The following RETREG1 variants were observed in gnomAD, a reference collection of about 807,000 sequenced individuals.
RETREG1 encodes the protein family with sequence similarity 134 member B.
In RETREG1, 44 loss-of-function variants were observed where a neutral mutation model predicts 54.8. The ratio of observed to expected loss-of-function variants is 0.80; its 90% confidence interval spans 0.63 to 1.03. RETREG1 has a LOEUF of 1.03. Ranked by LOEUF, RETREG1 falls within the 50% of genes least tolerant of loss-of-function variation. RETREG1 has a pLI of 0.00. For missense variants in RETREG1, 554 were observed against 605.1 expected (o/e 0.92, Z 0.89); for synonymous variants, 217 against 238.5 (o/e 0.91, Z 0.83).
At chr5:16,588,480 G>A (rs2451853) in intron 1 of RETREG1, among the ~76,000 whole-genome samples, 20,527 of 152,158 alleles carry the variant, frequency 0.13, 1,409 homozygotes, top group Non-Finnish European at 0.16. Context: ...GGGGCAGCAC[G>A]ATTCAGCCCA....
In RETREG1 at chr5:16,533,808, C is replaced by T. The variant is rs75887546; in HGVS notation, c.458+31955G>A. The stretch of plus-strand genomic sequence containing the variant: ...TCTACCAGAAAGACCAGTAGAAGTA[C>T]CTGGTGCAGCCCCAGATGGCTGGGC... On this transcript the variant is annotated intron_variant, in intron 3 of 8. Coordinates refer to ENST00000306320, the MANE Select transcript of RETREG1 (RefSeq NM_001034850.3). Among the ~76,000 whole-genome samples, 863 of 152,304 alleles carry T rather than the reference C, an allele frequency of 5.7e-3. 10 individuals are homozygous for T. The highest frequency in any genetic ancestry group is 0.019 in the African/African-American group (810 of 41,550).
intron 2 of RETREG1, among the ~76,000 whole-genome samples, chr5:16,570,548 CA>C (rs1291388253): frequency 6.6e-6 from 1 of 151,952 alleles, no homozygotes; most frequent in Non-Finnish European, 1.5e-5. Context: ...AAAATGGTTG[CA>C]GATAAAATGT....
In RETREG1 at chr5:16,592,006, T is replaced by C. The variant is rs1048258276; in HGVS notation, c.321-19904A>G. Among the ~76,000 whole-genome samples the C allele has an allele frequency of 3.3e-5, 5 of 152,322 alleles. No homozygotes were observed. The East Asian group carries it at 5.8e-4, about 18-fold the overall frequency. ...TGACACCAGTTCATAATCAGCACTG[T>C]GAATCTGGACTAGAATAGAGTCTAC... On this transcript the variant is annotated intron_variant, in intron 1 of 8. Transcript: ENST00000306320.
chr5:16,514,994 C>G (rs1367935559), intron 3 of RETREG1, among the ~76,000 whole-genome samples: 1 of 147,646 alleles, frequency 6.8e-6, no homozygotes, highest in African/African-American at 2.5e-5. Context: ...TTTCTTTATC[C>G]ACTCATTGAT....
intron 2 of RETREG1, among the ~76,000 whole-genome samples, chr5:16,569,033 G>A (rs942158014): frequency 2.6e-5 from 4 of 152,222 alleles, no homozygotes; most frequent in South Asian, 2.1e-4. Flanking sequence ...TCTGATTGAC[G>A]CCATGGAGTT....
At chr5:16,573,731 G>GTTTTTTTTT (rs1454072189) in intron 1 of RETREG1, among the ~76,000 whole-genome samples, 4 of 109,820 alleles carry the variant, frequency 3.6e-5, no homozygotes, top group Non-Finnish European at 8.5e-5. Context: ...TTTTGGGTTT[G>GTTTTTTTTT]TTTGTTTTTT....
intron 1 of RETREG1, among the ~76,000 whole-genome samples, chr5:16,579,666 GTTTT>G (rs1162340835): frequency 3.3e-5 from 5 of 152,152 alleles, no homozygotes; most frequent in African/African-American, 1.2e-4. Flanking sequence ...TGTCTCCATA[GTTTT>G]GCCTTTTCCA....
chr5:16,545,045 A>G, intron 3 of RETREG1, among the ~76,000 whole-genome samples: 1 of 152,246 alleles, frequency 6.6e-6, no homozygotes, highest in East Asian at 1.9e-4. Context: ...GCAGGCTTCA[A>G]ATCAATTAAA....
At chr5:16,491,217 C>A (rs966713558) in intron 3 of RETREG1, among the ~76,000 whole-genome samples, 3 of 152,206 alleles carry the variant, frequency 2.0e-5, no homozygotes, top group Non-Finnish European at 4.4e-5. Context: ...CCATTTTACC[C>A]AAGAGAAAAC....
In RETREG1 at chr5:16,474,570, A is replaced by G; in HGVS notation, c.*171T>C. ...TAACGATCAGAAATATCAATCTATC[A>G]GTGTCAGCTGATATATATCCAATTA... On this transcript the variant is annotated 3_prime_UTR_variant, in exon 9 of 9. Coordinates refer to ENST00000306320, the MANE Select transcript of RETREG1 (RefSeq NM_001034850.3). The G allele has an allele frequency of 1.4e-6, 1 of 715,176 alleles. No individual in the cohort carries two copies. Among genetic ancestry groups the G allele is most frequent in the Non-Finnish European group, 2.3e-6 (1 of 441,806 alleles). The allele number at this position is 715,176 out of a possible 1,614,324, so 44.3% of individuals were successfully genotyped here.
chr5:16,510,245 A>T (rs2126566459), intron 3 of RETREG1, among the ~76,000 whole-genome samples: 1 of 152,220 alleles, frequency 6.6e-6, no homozygotes. Context: ...GGCATTTCAT[A>T]TTTTACGCAA....
intron 3 of RETREG1, among the ~76,000 whole-genome samples, chr5:16,528,846 T>TCCTACCATTGTGGCATCAAGC (rs1321683051): frequency 1.3e-5 from 2 of 152,074 alleles, no homozygotes; most frequent in African/African-American, 4.8e-5. Flanking sequence ...CAATACTCAA[T>TCCTACCATTGTGGCATCAAGC]CCTACCATTG....
chr5:16,597,172 C>A lies in RETREG1; in HGVS notation c.320+19480G>T, dbSNP rs1410033660. On this transcript the variant is annotated intron_variant, in intron 1 of 8. Coordinates refer to ENST00000306320, the MANE Select transcript of RETREG1 (RefSeq NM_001034850.3). The surrounding 1 kb of genome is among the most constrained non-coding windows in gnomAD (Gnocchi z 4.3). The stretch of plus-strand genomic sequence containing the variant: ...AGGCCACCCAGGTGTAAAACAGTTG[C>A]AACCACACAAGTGTGGCTGTGTGCC... 6.6e-6 allele frequency among the ~76,000 whole-genome samples: 1 copy of A among 152,226 alleles called. No individual in the cohort carries two copies. Among genetic ancestry groups the A allele is most frequent in the Non-Finnish European group, 1.5e-5 (1 of 68,044 alleles).
intron 1 of RETREG1, among the ~76,000 whole-genome samples, chr5:16,586,794 G>A (rs917842374): frequency 2.0e-5 from 3 of 152,158 alleles, no homozygotes; most frequent in Admixed American, 6.5e-5. Context: ...CCACAGGCAG[G>A]GTGGCTTATA....
Position 16,613,238 on chromosome 5 carries a change from C to T in RETREG1, c.320+3414G>A, listed in dbSNP as rs145869492. 8.1e-3 allele frequency among the ~76,000 whole-genome samples: 1,240 copies of T among 152,296 alleles called. 18 individuals carry two copies. The highest frequency in any genetic ancestry group is 0.028 in the African/African-American group (1,171 of 41,554). ...TTTCTACCAGCCCATGCTGCCATTG[C>T]ATCTGTTTACTGTGTAGTGGTTGAA... On this transcript the variant is annotated intron_variant, in intron 1 of 8. Coordinates refer to ENST00000306320, the MANE Select transcript of RETREG1 (RefSeq NM_001034850.3).
chr5:16,526,688 T>C (rs1163772840), intron 3 of RETREG1, among the ~76,000 whole-genome samples: 1 of 152,214 alleles, frequency 6.6e-6, no homozygotes, highest in African/African-American at 2.4e-5. Flanking sequence ...TTTCTACATA[T>C]CTTAATCCAT....
At chr5:16,496,354 T>C (rs1386205738) in intron 3 of RETREG1, among the ~76,000 whole-genome samples, 2 of 152,172 alleles carry the variant, frequency 1.3e-5, no homozygotes, top group Non-Finnish European at 1.5e-5. Context: ...GCCCTTTCCA[T>C]CTCATTGCTC....
At chr5:16,589,391 T>A (rs1453058435) in intron 1 of RETREG1, among the ~76,000 whole-genome samples, 1 of 152,094 alleles carries the variant, frequency 6.6e-6, no homozygotes, top group Non-Finnish European at 1.5e-5. Flanking sequence ...TATTTGTTTG[T>A]CTGTTTTCAG....
At chr5:16,494,800 T>C (rs1239791199) in intron 3 of RETREG1, among the ~76,000 whole-genome samples, 2 of 152,066 alleles carry the variant, frequency 1.3e-5, no homozygotes, top group Non-Finnish European at 1.5e-5. Context: ...GCTGTAAAGA[T>C]AAATAAAAAT....
Sources: allele counts gnomAD v4.1 joint callset (sites outside exome capture counted in the v4.1 genomes callset), GRCh38; gene constraint gnomAD v4.1.1; non-coding constraint Gnocchi (gnomAD v3.1); transcripts MANE v1.5; gene names NCBI Gene and HGNC (gene_info 2026-07-23, HGNC 2026-07-21).